The following EPS8 variants were observed in gnomAD, a reference collection of about 807,000 sequenced individuals.
EPS8 encodes EGFR pathway substrate 8, signaling adaptor.
Under a neutral mutation model 103.8 loss-of-function variants are expected in EPS8, and 42 were observed. The observed-to-expected ratio is 0.40, with a 90% CI of 0.32 to 0.52. The LOEUF (loss-of-function observed/expected upper bound fraction) is 0.52, where lower values mean the gene tolerates loss of function less well. Ranked by LOEUF, EPS8 falls within the 20% of genes least tolerant of loss-of-function variation. The probability of loss-of-function intolerance (pLI) is 0.40; values close to 1 mark genes in which losing one functional copy is unlikely to be tolerated. For missense variants in EPS8, 969 were observed against 1,005.1 expected, an observed-to-expected ratio of 0.96 and a Z score of 0.49; for synonymous variants, 344 against 344.6, an observed-to-expected ratio of 1.00 and a Z score of 0.02.
chr12:15,767,402 C>T lies in EPS8; in HGVS notation c.-22+21759G>A, dbSNP rs1159237503. Among the ~76,000 whole-genome samples the T allele has an allele frequency of 1.3e-5, 2 of 152,094 alleles. No homozygotes were observed. The highest frequency in any genetic ancestry group is 4.8e-5 in the African/African-American group (2 of 41,412). ...TGCTATGAAATGTTTTATCTTGACG[C>T]TTTCTATTCTAAAGCCACAACAGGT... On this transcript the variant is annotated intron_variant, in intron 1 of 20. Coordinates refer to ENST00000281172, the MANE Select transcript of EPS8 (RefSeq NM_004447.6). This position sits in a 1 kb window ranked among gnomAD's most constrained non-coding sequence, Gnocchi z 5.5.
chr12:15,774,550 TTATACA>T lies in EPS8; in HGVS notation c.-22+14605_-22+14610del, dbSNP rs1947187315. 3.4e-5 allele frequency among the ~76,000 whole-genome samples: 5 copies of T among 146,038 alleles called. No homozygotes were observed. In the South Asian group the frequency reaches 1.1e-3, roughly 31 times the overall value. ...AGGTAAGGGAAAGGTTACAGGTTTG[TTATACA>T]TATACATATATATATATATACACAT... On this transcript the variant is annotated intron_variant, in intron 1 of 20. Transcript: ENST00000281172.
At chr12:15,763,107 A>G (rs1277153837) in intron 1 of EPS8, among the ~76,000 whole-genome samples, 1 of 152,132 alleles carries the variant, frequency 6.6e-6, no homozygotes, top group African/African-American at 2.4e-5. Context: ...TAAAAAGAAA[A>G]CATTAAATAA....
In EPS8 at chr12:15,688,859, C is replaced by T. The variant is rs916389322; in HGVS notation, c.-21-5887G>A. ...AATTGAGCTGGTTAACACAAGCTGT[C>T]TATAGACAGCAAAACTAAAAGAGCA... On this transcript the variant is annotated intron_variant, in intron 1 of 20. Coordinates refer to ENST00000281172, the MANE Select transcript of EPS8 (RefSeq NM_004447.6). This position sits in a 1 kb window ranked among gnomAD's most constrained non-coding sequence, Gnocchi z 5.1. Among the ~76,000 whole-genome samples the T allele has an allele frequency of 3.3e-5, 5 of 152,212 alleles. No homozygotes were observed. The highest frequency in any genetic ancestry group is 2.1e-4 in the South Asian group (1 of 4,828).
intron 18 of EPS8, among the ~76,000 whole-genome samples, chr12:15,628,975 T>C (rs944425559): frequency 6.6e-6 from 1 of 152,220 alleles, no homozygotes; most frequent in African/African-American, 2.4e-5. Context: ...ATATTTGTTT[T>C]ATAAAAAGAA....
intron 1 of EPS8, among the ~76,000 whole-genome samples, chr12:15,689,574 T>C (rs1946144326): frequency 6.6e-6 from 1 of 152,244 alleles, no homozygotes. Flanking sequence ...TGTATAACTA[T>C]GAAATGATTA....
chr12:15,669,455 C>T lies in EPS8; in HGVS notation c.448G>A (p.Ala150Thr). 6.2e-7 allele frequency: 1 copy of T among 1,614,020 alleles called. No individual in the cohort carries two copies. Among genetic ancestry groups the T allele is most frequent in the South Asian group, 1.1e-5 (1 of 91,074 alleles). The change falls in exon 6 of 21, where the codon GCA becomes ACA. Residue 150 changes from alanine to threonine, a missense_variant. By Grantham distance (58) the Ala-to-Thr change is moderately conservative (BLOSUM62 0). Transcript: ENST00000281172. Reference sequence around the variant, plus strand: ...TGGGTTGGCTCTTTGCACACCAGTGCAAGAACTGAATCATAGCTGCATGAA... The same window carrying T: ...TGGGTTGGCTCTTTGCACACCAGTGTAAGAACTGAATCATAGCTGCATGAA... Reference protein sequence around the residue: ...MHSCSYDSVLALVCKEPTQNK... With the variant: ...MHSCSYDSVLTLVCKEPTQNK...
intron 14 of EPS8, 66 bp downstream of exon 14, chr12:15,650,757 A>G: frequency 7.7e-7 from 1 of 1,293,136 alleles, no homozygotes; most frequent in Non-Finnish European, 1.1e-6. Context: ...ACTTGCAATC[A>G]GAATTACAAG....
chr12:15,654,272 G>A lies in EPS8; in HGVS notation c.1123C>T (p.Pro375Ser). ...CTAAGTACTGAACTGGCTAGTTCAG[G>A]ACCTCCTGTTGCCTGCACCACCTAA... The part of the protein sequence containing the change: ...LNMVVQATGG[P>S]ELASSVLSPL... The change falls in exon 13 of 21, where the codon CCT (proline) becomes TCT (serine). Residue 375 changes from proline to serine, a missense_variant. Pro to Ser is a moderately conservative substitution (Grantham distance 74). Coordinates refer to ENST00000281172, the MANE Select transcript of EPS8 (RefSeq NM_004447.6). 1.2e-6 allele frequency: 2 copies of A among 1,612,846 alleles called. No individual in the cohort carries two copies. The highest frequency in any genetic ancestry group is 1.7e-6 in the Non-Finnish European group (2 of 1,179,156).
In EPS8 at chr12:15,745,021, G is replaced by A. The variant is rs59052673; in HGVS notation, c.-22+44140C>T. On this transcript the variant is annotated intron_variant, in intron 1 of 20. Transcript: ENST00000281172. The surrounding 1 kb of genome is among the most constrained non-coding windows in gnomAD (Gnocchi z 4.6). Reference sequence around the variant, plus strand: ...TGGGATTACTGGCATGTGCCACCACGCCCAGCTAATTTTTGTATTTTTAGT... The same window carrying A: ...TGGGATTACTGGCATGTGCCACCACACCCAGCTAATTTTTGTATTTTTAGT... Among the ~76,000 whole-genome samples, 11,059 of 152,012 alleles carry A rather than the reference G, an allele frequency of 0.073. 1,318 individuals carry two copies. The highest frequency in any genetic ancestry group is 0.25 in the African/African-American group (10,276 of 41,412).
At chr12:15,663,933 A>T (rs1945653457) in intron 8 of EPS8, among the ~76,000 whole-genome samples, 1 of 16,224 alleles carries the variant, frequency 6.2e-5, no homozygotes. Context: ...AAAAAAAAAA[A>T]AAAAAAAAAA....
chr12:15,621,475 G>T, intron 20 of EPS8, 45 bp from the exon 21 acceptor site: 1 of 1,080,240 alleles, frequency 9.3e-7, no homozygotes, highest in Non-Finnish European at 1.4e-6. Context: ...GACTTGTGCA[G>T]GCTGCAGGTC....
rs1946787347 is a variant in EPS8, at chr12:15,738,412, TG to T, written c.-22+50748del. ...TAATATTGTTAGGAAAATTTAAAGATGGGCTTCTGTCACTTAAATACCCAAA... is the reference window on the plus strand; with the variant it reads ...TAATATTGTTAGGAAAATTTAAAGATGGCTTCTGTCACTTAAATACCCAAA... On this transcript the variant is annotated intron_variant, in intron 1 of 20. Transcript: ENST00000281172. This position sits in a 1 kb window ranked among gnomAD's most constrained non-coding sequence, Gnocchi z 6.2. Among the ~76,000 whole-genome samples the T allele has an allele frequency of 6.6e-6, 1 of 152,210 alleles. No individual in the cohort carries two copies. The highest frequency in any genetic ancestry group is 2.1e-4 in the South Asian group (1 of 4,836).
At chr12:15,680,698 A>G (rs1472109610) in intron 3 of EPS8, among the ~76,000 whole-genome samples, 1 of 152,190 alleles carries the variant, frequency 6.6e-6, no homozygotes, top group Non-Finnish European at 1.5e-5. Context: ...GTTACTTATG[A>G]CTTCTATTTT....
At chr12:15,732,603 G>A (rs183656582) in intron 1 of EPS8, 2 of 207,400 alleles carry the variant, frequency 9.6e-6, no homozygotes, top group Admixed American at 1.3e-4. Flanking sequence ...AAAAGCAACT[G>A]GTAAATGTTC....
intron 10 of EPS8, 148 bp downstream of exon 10, chr12:15,660,466 A>G: frequency 1.7e-6 from 1 of 597,650 alleles, no homozygotes; most frequent in Non-Finnish European, 3.0e-6. Context: ...GTTTCATCAC[A>G]TTGGTCAGGC....
At position 15,700,708 on chromosome 12, in the gene EPS8, A is replaced by G. The variant is rs1426007200; in HGVS notation, c.-21-17736T>C. On this transcript the variant is annotated intron_variant, in intron 1 of 20. Coordinates refer to ENST00000281172, the MANE Select transcript of EPS8 (RefSeq NM_004447.6). The surrounding 1 kb of genome is among the most constrained non-coding windows in gnomAD (Gnocchi z 5.1). The stretch of plus-strand genomic sequence containing the variant: ...GAAAAGCAGAACTTTTGGTAAAAGC[A>G]TGCCTATTTATATCAAGGAGGTTCA... Among the ~76,000 whole-genome samples the G allele has an allele frequency of 1.3e-5, 2 of 152,206 alleles. No individual in the cohort carries two copies. The highest frequency in any genetic ancestry group is 2.4e-5 in the African/African-American group (1 of 41,454).
chr12:15,774,284 A>G (rs1241664548), intron 1 of EPS8, among the ~76,000 whole-genome samples: 1 of 151,898 alleles, frequency 6.6e-6, no homozygotes. Flanking sequence ...AGATTTGATA[A>G]AACTGCAGAG....
intron 18 of EPS8, among the ~76,000 whole-genome samples, chr12:15,630,204 TCACACA>T (rs58598084): frequency 4.0e-5 from 6 of 148,902 alleles, no homozygotes; most frequent in African/African-American, 1.5e-4. Flanking sequence ...TCTCTCTCAC[TCACACA>T]CACACACACA....
Position 15,669,820 on chromosome 12 carries a change from C to A in EPS8, c.210G>T (p.Leu70Phe), listed in dbSNP as rs1188147990. 1.2e-5 allele frequency: 19 copies of A among 1,591,184 alleles called. No homozygotes were observed. The highest frequency in any genetic ancestry group is 1.5e-5 in the Non-Finnish European group (18 of 1,170,656). ...SDISQYRVEHLTTFVLDRKDA... is the reference protein window; with the variant it reads ...SDISQYRVEHFTTFVLDRKDA... ...CTTTCCGATCCAGGACAAAGGTAGT[C>A]AAGTGCTTACAATTGGCAAAAAGGA... The change falls in exon 5 of 21, where the codon TTG becomes TTT. Residue 70 changes from leucine (L) to phenylalanine (F), a missense_variant. Physicochemically the swap from Leu to Phe is conservative, Grantham distance 22. Coordinates refer to ENST00000281172, the MANE Select transcript of EPS8 (RefSeq NM_004447.6).
Sources: gnomAD v4.1 joint callset for allele counts (sites outside exome capture counted in the v4.1 genomes callset) on GRCh38, gnomAD v4.1.1 for gene constraint, Gnocchi (gnomAD v3.1) non-coding constraint, MANE v1.5 for transcripts, NCBI Gene and HGNC (gene_info 2026-07-23, HGNC 2026-07-21) for gene names.